Variants in AK9 observed in about 807,000 individuals in gnomAD.
AK9 encodes the protein adenylate kinase 9.
A neutral mutation model predicts 239.6 loss-of-function variants in AK9; 191 were observed. The ratio of observed to expected loss-of-function variants is 0.80; its 90% CI spans 0.71 to 0.90. The LOEUF is 0.90. Ranked by LOEUF, AK9 falls within the 40% of genes least tolerant of loss-of-function variation. AK9 has a pLI of 0.00. For synonymous variants in AK9, 689 were observed against 721.0 expected (o/e 0.96, Z 0.71); for missense variants, 1,995 against 2,214.7 (o/e 0.90, Z 1.99).
Position 109,542,183 on chromosome 6 carries a change from A to C in AK9, c.3226-12T>G. 6.3e-7 allele frequency: 1 copy of C among 1,578,346 alleles called. No homozygotes were observed. The highest frequency in any genetic ancestry group is 2.2e-5 in the East Asian group (1 of 44,526). ...TGTACTTCTGGAAGCTAAAAACAAA[A>C]ATCAGAAAACAAAACAAGTTTTAAA... On this transcript the variant is annotated splice_polypyrimidine_tract_variant and intron_variant, in intron 26 of 40. Transcript: ENST00000424296.
In AK9 at chr6:109,506,488, C is replaced by T. The variant is rs75847450; in HGVS notation, c.4688G>A (p.Arg1563His). ...QIVAVNNVKY[R>H]KNIGEIRQYY... The stretch of plus-strand genomic sequence containing the variant: ...TTGCCTAATCTCACCAATATTTTTG[C>T]GATACTTTACATTATTGACAGCTAC... Residue 1563 changes from arginine to histidine, a missense_variant, in exon 35 of 41, where the codon CGC (arginine) becomes CAC (histidine). Arg to His is a conservative substitution (Grantham distance 29, BLOSUM62 0). This residue lies in a region of AK9 where 391 missense variants were observed against 456.0 expected (regional missense o/e 0.86). Coordinates refer to ENST00000424296, the MANE Select transcript of AK9 (RefSeq NM_001145128.3). The T allele has an allele frequency of 2.6e-4, 425 of 1,612,368 alleles. 2 individuals carry two copies. In the African/African-American group the frequency reaches 4.7e-3, roughly 18 times the overall value.
rs149816897 is a variant in AK9, at chr6:109,633,213, A to C, written c.1044T>G (p.Ile348Met). ...CAGAATAATCTGGTAATCCTGAATA[A>C]ATGTTACCATCTTTTAAATTCACAG... ...TCPVNLKDGN[I>M]YSGLPDYSVS... Residue 348 changes from isoleucine (I) to methionine (M), a missense_variant, in exon 11 of 41, where the codon ATT becomes ATG. Around this residue, in one of 5 missense-constraint regions of AK9, gnomAD observed 1,290 missense variants for 1,392.7 expected, o/e 0.93. Transcript: ENST00000424296. The C allele has an allele frequency of 8.9e-5, 143 of 1,600,892 alleles. No individual in the cohort carries two copies. The African/African-American group carries it at 1.6e-3, about 18-fold the overall frequency.
At chr6:109,603,441 T>A (rs1792356184) in intron 17 of AK9, among the ~76,000 whole-genome samples, 1 of 152,180 alleles carries the variant, frequency 6.6e-6, no homozygotes, top group Admixed American at 6.5e-5. Flanking sequence ...AAGCTTCGTC[T>A]CAGAGGGGTA....
intron 27 of AK9, among the ~76,000 whole-genome samples, chr6:109,535,758 A>T (rs1205503403): frequency 3.9e-5 from 6 of 152,214 alleles, no homozygotes; most frequent in African/African-American, 1.4e-4. Context: ...TTAAGTCTTT[A>T]ATCCATCTTG....
At chr6:109,508,416 G>C (rs891012191) in intron 33 of AK9, among the ~76,000 whole-genome samples, 26 of 152,116 alleles carry the variant, frequency 1.7e-4, no homozygotes, top group African/African-American at 6.3e-4. Flanking sequence ...CTGAACACCA[G>C]GGAGGAGGTA....
rs755856534 is a variant in AK9, at chr6:109,614,384, C to A, written c.1495+1G>T. On this transcript the variant is annotated splice_donor_variant, in intron 14 of 40. Coordinates refer to ENST00000424296, the MANE Select transcript of AK9 (RefSeq NM_001145128.3). LOFTEE classifies it high-confidence loss of function. ...ATAACATCAGCAATATATTTCTTTACCTTCTTCATCAATTGATGAGTGTGT... is the reference window on the plus strand; with the variant it reads ...ATAACATCAGCAATATATTTCTTTAACTTCTTCATCAATTGATGAGTGTGT... 1 of 1,550,778 alleles carries A rather than the reference C, an allele frequency of 6.4e-7. No individual in the cohort carries two copies. The highest frequency in any genetic ancestry group is 8.7e-7 in the Non-Finnish European group (1 of 1,146,328).
intron 27 of AK9, among the ~76,000 whole-genome samples, chr6:109,534,747 C>T (rs563420561): frequency 6.6e-6 from 1 of 152,136 alleles, no homozygotes; most frequent in East Asian, 1.9e-4. Context: ...CTAATGCTAT[C>T]CCTCCCCCAC....
chr6:109,581,853 C>G (rs1788902391), intron 19 of AK9, among the ~76,000 whole-genome samples: 1 of 152,152 alleles, frequency 6.6e-6, no homozygotes, highest in Admixed American at 6.5e-5. Flanking sequence ...GAGGAGAAGT[C>G]AATGCCTGGC....
chr6:109,551,536 C>G (rs1784360847), intron 24 of AK9, among the ~76,000 whole-genome samples: 1 of 146,864 alleles, frequency 6.8e-6, no homozygotes, highest in South Asian at 2.2e-4. Context: ...AAAAAAAATG[C>G]AAGCTTCAAA....
chr6:109,499,085 T>G lies in AK9; in HGVS notation c.5005A>C (p.Arg1669=). Residue 1669 remains arginine, a synonymous_variant, in exon 36 of 41, where the codon AGG becomes CGG. Coordinates refer to ENST00000424296, the MANE Select transcript of AK9 (RefSeq NM_001145128.3). ...GAACTCATTTTATAGTAGTGCCCCC[T>G]GAACTCTGCTGCAAATTCCAAGGAG... ...TDSLEFAAEF[R]GHYYKMSSQE... The G allele has an allele frequency of 6.2e-7, 1 of 1,600,010 alleles. No homozygotes were observed. The highest frequency in any genetic ancestry group is 1.1e-5 in the South Asian group (1 of 88,232).
At chr6:109,600,524 T>C (rs1479884892) in intron 17 of AK9, among the ~76,000 whole-genome samples, 1 of 152,250 alleles carries the variant, frequency 6.6e-6, no homozygotes, top group Non-Finnish European at 1.5e-5. Flanking sequence ...ATCAGGGATA[T>C]TGGTCTACAA....
At chr6:109,642,611 G>A (rs1213085538) in intron 9 of AK9, among the ~76,000 whole-genome samples, 1 of 152,094 alleles carries the variant, frequency 6.6e-6, no homozygotes, top group Non-Finnish European at 1.5e-5. Context: ...AGGAAAGTGT[G>A]TCCCAGGTAG....
Position 109,506,349 on chromosome 6 carries a change from T to G in AK9, c.4827A>C (p.Thr1609=). ...NVQMVNKYMQ[T]YLERIKAGKA... ...TACCTGCTTTTATTCTTTCCAGGTATGTCTGCATGTATTTATTCACCATTT... is the reference window on the plus strand; with the variant it reads ...TACCTGCTTTTATTCTTTCCAGGTAGGTCTGCATGTATTTATTCACCATTT... Residue 1609 remains threonine, a synonymous_variant, in exon 35 of 41, where the codon ACA becomes ACC. Coordinates refer to ENST00000424296, the MANE Select transcript of AK9 (RefSeq NM_001145128.3). 1.2e-6 allele frequency: 2 copies of G among 1,613,680 alleles called. No homozygotes were observed. Among genetic ancestry groups the G allele is most frequent in the Non-Finnish European group, 1.7e-6 (2 of 1,179,908 alleles).
chr6:109,633,407 A>G (rs1796354382), intron 10 of AK9, 84 bp from the exon 11 acceptor site: 1 of 1,371,696 alleles, frequency 7.3e-7, no homozygotes, highest in African/African-American at 1.5e-5. Flanking sequence ...TTATCATTTT[A>G]TAGTGCTTTA....
At chr6:109,573,680 A>G in intron 20 of AK9, 86 bp from the exon 21 acceptor site, 6 of 1,297,336 alleles carry the variant, frequency 4.6e-6, no homozygotes, top group Non-Finnish European at 6.3e-6. Context: ...AGCCAAACAA[A>G]GAATATGAAA....
At chr6:109,500,209 A>G (rs1225614328) in intron 35 of AK9, among the ~76,000 whole-genome samples, 2 of 152,120 alleles carry the variant, frequency 1.3e-5, no homozygotes, top group African/African-American at 4.8e-5. Context: ...CCCAGATCCC[A>G]CCCAAGAGAA....
At chr6:109,563,993 A>G in intron 23 of AK9, 87 bp downstream of exon 23, 1 of 1,298,450 alleles carries the variant, frequency 7.7e-7, no homozygotes, top group South Asian at 1.5e-5. Flanking sequence ...TTACTTCATA[A>G]ACCATCAAAG....
chr6:109,677,136 G>T (rs1583547479), intron 1 of AK9, among the ~76,000 whole-genome samples: 2 of 144,790 alleles, frequency 1.4e-5, no homozygotes, highest in Non-Finnish European at 3.0e-5. Flanking sequence ...ACTACCTATT[G>T]GGTACTATGC....
chr6:109,535,773 A>G (rs926621981), intron 27 of AK9, among the ~76,000 whole-genome samples: 2 of 152,144 alleles, frequency 1.3e-5, no homozygotes, highest in Admixed American at 6.6e-5. Context: ...ATCTTGAATT[A>G]ATTTTTGTAT....
Sources: allele counts gnomAD v4.1 joint callset (sites outside exome capture counted in the v4.1 genomes callset), GRCh38; gene constraint gnomAD v4.1.1; regional missense constraint gnomAD v4.1.1; transcripts MANE v1.5; gene names NCBI Gene and HGNC (gene_info 2026-07-23, HGNC 2026-07-21).